The following ATP9A variants were observed in gnomAD, a reference collection of about 807,000 sequenced individuals.
The protein encoded by ATP9A is ATPase phospholipid transporting 9A, also known as probable phospholipid-transporting ATPase IIA.
In ATP9A, 52 loss-of-function variants were observed where a neutral mutation model predicts 144.1. The ratio of observed to expected loss-of-function variants is 0.36; its 90% CI spans 0.29 to 0.45. The LOEUF (loss-of-function observed/expected upper bound fraction) is 0.45. Among genes scored for constraint, ATP9A ranks in the 20% least tolerant of loss-of-function variants. The probability of loss-of-function intolerance (pLI) is 1.00; values close to 1 mark genes in which losing one functional copy is unlikely to be tolerated. For synonymous variants in ATP9A, 582 were observed against 557.4 expected (o/e 1.04, Z -0.62); for missense variants, 947 against 1,392.7 (o/e 0.68, Z 5.09).
Position 51,751,261 on chromosome 20 carries a change from G to GTT in ATP9A, c.68+17039_68+17040dup, listed in dbSNP as rs201983884. ...TTTTTAACGTTTCTGGGTTTTTTTTGTTTTTTTTTTTTTTTTTTGAGACAG... is the reference window on the plus strand; with the variant it reads ...TTTTTAACGTTTCTGGGTTTTTTTTGTTTTTTTTTTTTTTTTTTTTGAGACAG... On this transcript the variant is annotated intron_variant, in intron 1 of 27. Transcript: ENST00000338821. Among the ~76,000 whole-genome samples, 341 of 115,488 alleles carry GTT rather than the reference G, an allele frequency of 3.0e-3. 6 individuals carry two copies. Among genetic ancestry groups the GTT allele is most frequent in the South Asian group, 6.2e-3 (21 of 3,374 alleles). 75.8% of individuals were successfully genotyped at this position (115,488 alleles called of 152,430 possible). A position where few individuals can be genotyped will look rare whatever the true frequency, so the allele number is the denominator to read the frequency against.
chr20:51,644,266 G>GC (rs1568800279), intron 14 of ATP9A, among the ~76,000 whole-genome samples: 1 of 79,020 alleles, frequency 1.3e-5, no homozygotes, highest in African/African-American at 3.7e-5. Context: ...TTTACTTCTA[G>GC]CTTTTTTTTT....
At chr20:51,650,988 AT>A (rs1209151491) in intron 14 of ATP9A, among the ~76,000 whole-genome samples, 9 of 148,574 alleles carry the variant, frequency 6.1e-5, no homozygotes, top group African/African-American at 4.9e-5. Flanking sequence ...TTTTTTTTAA[AT>A]TTTTTTTTTG....
intron 9 of ATP9A, among the ~76,000 whole-genome samples, chr20:51,687,757 C>G (rs1252412005): frequency 9.4e-6 from 1 of 106,036 alleles, no homozygotes; most frequent in Admixed American, 9.4e-5. Context: ...GAATGAGACC[C>G]TGTCTCAAAA....
rs2077123788 is a variant in ATP9A, at chr20:51,597,391, G to A, written c.*3820C>T. The stretch of plus-strand genomic sequence containing the variant: ...AAGCTGTACATTAAAAGAAGGGGGA[G>A]AAATAAAATGTGTTGTATTTACAAA... On this transcript the variant is annotated 3_prime_UTR_variant, in exon 28 of 28. Coordinates refer to ENST00000338821, the MANE Select transcript of ATP9A (RefSeq NM_006045.3). The A allele has an allele frequency of 1.3e-5, 2 of 152,128 alleles. No homozygotes were observed. The highest frequency in any genetic ancestry group is 4.8e-5 in the African/African-American group (2 of 41,422). 9.4% of individuals were successfully genotyped at this position (152,128 alleles called of 1,614,324 possible). A position where few individuals can be genotyped will look rare whatever the true frequency, so the allele number is the denominator to read the frequency against.
chr20:51,678,568 G>A (rs779728453), intron 9 of ATP9A, among the ~76,000 whole-genome samples: 28 of 152,164 alleles, frequency 1.8e-4, no homozygotes, highest in South Asian at 4.1e-4. Flanking sequence ...GTGGCTTCTC[G>A]GCAGATGGCA....
At chr20:51,645,008 T>C (rs2077336507) in intron 14 of ATP9A, among the ~76,000 whole-genome samples, 1 of 152,220 alleles carries the variant, frequency 6.6e-6, no homozygotes, top group South Asian at 2.1e-4. Flanking sequence ...CATGCCCAGC[T>C]ACAGACCCCA....
chr20:51,606,862 A>G (rs943090295), intron 26 of ATP9A, among the ~76,000 whole-genome samples: 1 of 151,798 alleles, frequency 6.6e-6, no homozygotes, highest in Non-Finnish European at 1.5e-5. Flanking sequence ...TGGGCAACAG[A>G]GTGAGACCCT....
chr20:51,750,812 A>G (rs2077828188), intron 1 of ATP9A, among the ~76,000 whole-genome samples: 1 of 152,112 alleles, frequency 6.6e-6, no homozygotes, highest in Non-Finnish European at 1.5e-5. Context: ...CCACCTCTCA[A>G]TTGTCTAGAT....
chr20:51,719,291 T>C (rs2077677764), intron 3 of ATP9A, among the ~76,000 whole-genome samples: 3 of 152,122 alleles, frequency 2.0e-5, no homozygotes, highest in South Asian at 2.1e-4. Context: ...AGCCTGAACA[T>C]ACAGACCACG....
At position 51,643,449 on chromosome 20, in the gene ATP9A, G is replaced by A. The variant is rs2077328989; in HGVS notation, c.1507-3945C>T. Among the ~76,000 whole-genome samples, 3 of 152,318 alleles carry A rather than the reference G, an allele frequency of 2.0e-5. No individual in the cohort carries two copies. In the South Asian group the frequency reaches 6.2e-4, roughly 32 times the overall value. ...CTAATCCCCAATATGATAGCAGTTGGAGATGGGGCCTCTGGGAGGTGATTA... is the reference window on the plus strand; with the variant it reads ...CTAATCCCCAATATGATAGCAGTTGAAGATGGGGCCTCTGGGAGGTGATTA... On this transcript the variant is annotated intron_variant, in intron 14 of 27. Transcript: ENST00000338821.
At chr20:51,640,365 T>C (rs779725129) in intron 14 of ATP9A, among the ~76,000 whole-genome samples, 6 of 152,156 alleles carry the variant, frequency 3.9e-5, no homozygotes, top group Non-Finnish European at 7.4e-5. Flanking sequence ...GTAATGCTGG[T>C]ATCCAGTGGG....
intron 27 of ATP9A, among the ~76,000 whole-genome samples, chr20:51,603,982 T>C (rs1045311608): frequency 5.3e-5 from 8 of 152,116 alleles, no homozygotes; most frequent in Non-Finnish European, 4.4e-5. Flanking sequence ...GGTTTCACCA[T>C]GTTGACCAGA....
At chr20:51,767,424 C>T (rs2122930503) in intron 1 of ATP9A, among the ~76,000 whole-genome samples, 1 of 151,704 alleles carries the variant, frequency 6.6e-6, no homozygotes, top group East Asian at 1.9e-4. Flanking sequence ...GCCCCTCACG[C>T]CCAGGTAAGT....
chr20:51,616,940 CTTT>C (rs556430829), intron 22 of ATP9A, among the ~76,000 whole-genome samples: 15 of 131,050 alleles, frequency 1.1e-4, no homozygotes, highest in Non-Finnish European at 9.7e-5. Context: ...TATAGAGAAA[CTTT>C]TTTTTTTTTT....
intron 14 of ATP9A, among the ~76,000 whole-genome samples, chr20:51,643,193 C>G (rs772465050): frequency 6.6e-6 from 1 of 152,174 alleles, no homozygotes; most frequent in African/African-American, 2.4e-5. Flanking sequence ...CCAGCACTAA[C>G]GAGCTTTGAG....
chr20:51,679,935 T>C lies in ATP9A; in HGVS notation c.800-3727A>G, dbSNP rs556749180. On this transcript the variant is annotated intron_variant, in intron 9 of 27. Transcript: ENST00000338821. Reference sequence around the variant, plus strand: ...TGGGGTATAGACCATGGAGGCACTATCAAACTGTTGTGGGCTGAGCACGGT... The same window carrying C: ...TGGGGTATAGACCATGGAGGCACTACCAAACTGTTGTGGGCTGAGCACGGT... 8.0e-4 allele frequency among the ~76,000 whole-genome samples: 121 copies of C among 152,076 alleles called. 1 individual carries two copies. Among genetic ancestry groups the C allele is most frequent in the South Asian group, 1.9e-3 (9 of 4,822 alleles).
rs190776726 is a variant in ATP9A, at chr20:51,752,443, T to C, written c.68+15859A>G. On this transcript the variant is annotated intron_variant, in intron 1 of 27. Coordinates refer to ENST00000338821, the MANE Select transcript of ATP9A (RefSeq NM_006045.3). ...CACGTGTTGACCACTATATCCCTAA[T>C]ATTAAAACTGCCAGAGACAGAGTAA... Among the ~76,000 whole-genome samples the C allele has an allele frequency of 4.6e-5, 7 of 152,358 alleles. No individual in the cohort carries two copies. The East Asian group carries it at 1.3e-3, about 29-fold the overall frequency.
intron 15 of ATP9A, among the ~76,000 whole-genome samples, chr20:51,638,364 G>A (rs1243891846): frequency 6.6e-6 from 1 of 150,910 alleles, no homozygotes; most frequent in Non-Finnish European, 1.5e-5. Context: ...CTGAAGGAGA[G>A]TTTTCTGCAA....
intron 13 of ATP9A, among the ~76,000 whole-genome samples, chr20:51,662,012 G>A (rs923123749): frequency 6.6e-6 from 1 of 152,134 alleles, no homozygotes; most frequent in Non-Finnish European, 1.5e-5. Flanking sequence ...AGGGGACAGG[G>A]GTACTATAGA....
Sources: allele counts gnomAD v4.1 joint callset (sites outside exome capture counted in the v4.1 genomes callset), GRCh38; gene constraint gnomAD v4.1.1; transcripts MANE v1.5; gene names NCBI Gene and HGNC (gene_info 2026-07-23, HGNC 2026-07-21).